UBL3: variants seen among roughly 807,000 people sequenced by gnomAD.
UBL3 encodes ubiquitin like 3.
Under a neutral mutation model 18.4 loss-of-function variants are expected in UBL3, and 6 were observed. The ratio of observed to expected loss-of-function variants is 0.33; its 90% CI spans 0.18 to 0.64. UBL3 has a LOEUF of 0.64. Ranked by LOEUF, UBL3 falls within the 30% of genes least tolerant of loss-of-function variation. UBL3 has a pLI of 0.76. For synonymous variants in UBL3, 49 were observed against 46.6 expected (o/e 1.05, Z -0.21); for missense variants, 109 against 142.9 (o/e 0.76, Z 1.21).
intron 1 of UBL3, among the ~76,000 whole-genome samples, chr13:29,826,773 T>C (rs1015524035): frequency 6.6e-6 from 1 of 152,188 alleles, no homozygotes; most frequent in African/African-American, 2.4e-5. Flanking sequence ...TTAATTGTGA[T>C]GTTAGGGTGT....
Position 29,772,141 on chromosome 13 carries a change from C to A in UBL3, c.194G>T (p.Arg65Leu), listed in dbSNP as rs376057091. 1.2e-6 allele frequency: 2 copies of A among 1,611,720 alleles called. No homozygotes were observed. Among genetic ancestry groups the A allele is most frequent in the South Asian group, 2.2e-5 (2 of 90,852 alleles). ...TAATGTGACATTTCCATGTAGAAAT[C>A]GTCCTTGATAAATAAGTCGTAGAAT... is the stretch of plus-strand genomic sequence containing the variant. ...PNILRLIYQG[R>L]FLHGNVTLGA... Residue 65 changes from arginine to leucine, a missense_variant, in exon 3 of 5, where the codon CGA becomes CTA. Physicochemically the swap from Arg to Leu is moderately radical, Grantham distance 102 (BLOSUM62 -2). Transcript: ENST00000380680.
At chr13:29,777,306 T>A in intron 1 of UBL3, 43 bp from the exon 2 acceptor site, 1 of 1,513,770 alleles carries the variant, frequency 6.6e-7, no homozygotes, top group Non-Finnish European at 9.0e-7. Context: ...TCTAAAAATT[T>A]TTTAAGTAAA....
chr13:29,794,224 ACTTT>A lies in UBL3; in HGVS notation c.28-16965_28-16962del, dbSNP rs536487205. 4.0e-3 allele frequency among the ~76,000 whole-genome samples: 602 copies of A among 152,322 alleles called. 4 individuals are homozygous for A. Among genetic ancestry groups the A allele is most frequent in the African/African-American group, 0.014 (569 of 41,568 alleles). On this transcript the variant is annotated intron_variant, in intron 1 of 4. Transcript: ENST00000380680. ...TACCAATACTGAAGGTATTATCCTT[ACTTT>A]ATCTTAAAAGTTTTAGAAAGCATGA...
At chr13:29,824,872 T>C (rs1878576057) in intron 1 of UBL3, among the ~76,000 whole-genome samples, 1 of 152,362 alleles carries the variant, frequency 6.6e-6, no homozygotes, top group East Asian at 1.9e-4. Flanking sequence ...CCATCTTGAA[T>C]TAATTTTTGT....
chr13:29,797,164 G>A (rs1877634396), intron 1 of UBL3, among the ~76,000 whole-genome samples: 1 of 152,030 alleles, frequency 6.6e-6, no homozygotes, highest in South Asian at 2.1e-4. Context: ...TCATATTTTA[G>A]TATCAGTTTT....
intron 1 of UBL3, among the ~76,000 whole-genome samples, chr13:29,840,098 G>T (rs1025971040): frequency 5.3e-5 from 8 of 151,050 alleles, no homozygotes; most frequent in Non-Finnish European, 1.2e-4. Flanking sequence ...ACATTTATCT[G>T]AAAATGGACT....
chr13:29,844,739 CT>C (rs1879188969), intron 1 of UBL3, among the ~76,000 whole-genome samples: 2 of 152,096 alleles, frequency 1.3e-5, no homozygotes, highest in African/African-American at 4.8e-5. Context: ...AGCACATTTA[CT>C]AAGTATATGC....
intron 1 of UBL3, among the ~76,000 whole-genome samples, chr13:29,780,367 A>AAAAAAATATAT (rs1359464345): frequency 7.7e-5 from 8 of 103,302 alleles, no homozygotes; most frequent in African/African-American, 2.0e-4. Flanking sequence ...AAAAAAAAAA[A>AAAAAAATATAT]ATATATATAT....
intron 1 of UBL3, among the ~76,000 whole-genome samples, 161 bp downstream of exon 1, chr13:29,849,350 TC>T: frequency 6.6e-6 from 1 of 152,282 alleles, no homozygotes; most frequent in East Asian, 1.9e-4. Context: ...AAGCAGTACT[TC>T]CTAAAAGGGG....
At chr13:29,778,949 C>T (rs1417918165) in intron 1 of UBL3, among the ~76,000 whole-genome samples, 3 of 152,106 alleles carry the variant, frequency 2.0e-5, no homozygotes, top group Non-Finnish European at 4.4e-5. Flanking sequence ...ATCTACATTC[C>T]AGGTGAAAAA....
At chr13:29,787,869 G>C (rs1051578351) in intron 1 of UBL3, among the ~76,000 whole-genome samples, 1 of 152,152 alleles carries the variant, frequency 6.6e-6, no homozygotes, top group Non-Finnish European at 1.5e-5. Context: ...AAAGGGAAAT[G>C]GTAAAGGCAA....
chr13:29,825,120 T>C (rs1878582723), intron 1 of UBL3, among the ~76,000 whole-genome samples: 1 of 152,242 alleles, frequency 6.6e-6, no homozygotes, highest in African/African-American at 2.4e-5. Flanking sequence ...CCTTGTAATG[T>C]AGTTTGAAGT....
intron 2 of UBL3, among the ~76,000 whole-genome samples, chr13:29,775,921 G>A (rs1364427649): frequency 6.6e-6 from 1 of 151,752 alleles, no homozygotes; most frequent in African/African-American, 2.4e-5. Flanking sequence ...CCAGCTGACG[G>A]TCTTATTATA....
At chr13:29,796,262 T>C (rs1286391279) in intron 1 of UBL3, among the ~76,000 whole-genome samples, 1 of 152,092 alleles carries the variant, frequency 6.6e-6, no homozygotes, top group Non-Finnish European at 1.5e-5. Flanking sequence ...TAATATTTGA[T>C]TTATGAAAAT....
intron 1 of UBL3, among the ~76,000 whole-genome samples, chr13:29,807,429 G>C (rs1012693122): frequency 3.3e-5 from 5 of 152,132 alleles, no homozygotes; most frequent in African/African-American, 1.2e-4. Flanking sequence ...TGAGTTCTGT[G>C]ATTTAAGTAC....
At position 29,777,379 on chromosome 13, in the gene UBL3, G is replaced by C. The variant is rs1423140115; in HGVS notation, c.28-116C>G. 1.4e-5 allele frequency: 11 copies of C among 793,978 alleles called. No homozygotes were observed. In the Admixed American group the frequency reaches 2.6e-4, roughly 19 times the overall value. The allele number at this position is 793,978 out of a possible 1,614,324, so 49.2% of individuals were successfully genotyped here. On this transcript the variant is annotated intron_variant, in intron 1 of 4. Transcript: ENST00000380680. ...TAAATTATTACCAATGCCATATTGT[G>C]GTTTTTATTTAAATTCTATAAAACT...
At chr13:29,834,200 A>AAAG (rs532180632) in intron 1 of UBL3, among the ~76,000 whole-genome samples, 4 of 149,698 alleles carry the variant, frequency 2.7e-5, no homozygotes, top group African/African-American at 7.4e-5. Flanking sequence ...AAAAAAAAAA[A>AAAG]GGAGTAAGAA....
At chr13:29,809,566 A>G (rs915481575) in intron 1 of UBL3, among the ~76,000 whole-genome samples, 1 of 152,180 alleles carries the variant, frequency 6.6e-6, no homozygotes, top group Non-Finnish European at 1.5e-5. Flanking sequence ...ACTGAAGGTC[A>G]TCATGGCTGT....
chr13:29,849,595 G>C lies in UBL3; in HGVS notation c.-57C>G. On this transcript the variant is annotated 5_prime_UTR_variant, in exon 1 of 5. Transcript: ENST00000380680. ...GAAAAAAACAAACAAAGAAAAAAGAGCAGAAGTCTTCACGTTACAGAAATA... is the reference window on the plus strand; with the variant it reads ...GAAAAAAACAAACAAAGAAAAAAGACCAGAAGTCTTCACGTTACAGAAATA... 6.2e-7 allele frequency: 1 copy of C among 1,602,792 alleles called. No individual in the cohort carries two copies. The highest frequency in any genetic ancestry group is 1.1e-5 in the South Asian group (1 of 90,912).
Sources: gnomAD v4.1 joint callset for allele counts (sites outside exome capture counted in the v4.1 genomes callset) on GRCh38, gnomAD v4.1.1 for gene constraint, MANE v1.5 for transcripts, NCBI Gene and HGNC (gene_info 2026-07-23, HGNC 2026-07-21) for gene names.